FMNL2: variants seen among roughly 807,000 people sequenced by gnomAD.
The protein encoded by FMNL2 is formin like 2.
A neutral mutation model predicts 130.2 loss-of-function variants in FMNL2; 51 were observed. That is an observed-to-expected ratio of 0.39 (90% CI 0.31 to 0.49). The LOEUF is 0.49. FMNL2 is among the 20% of genes least tolerant of loss of function. FMNL2 has a pLI of 0.85. For missense variants in FMNL2, 977 were observed against 1,316.2 expected (o/e 0.74, Z 3.99); for synonymous variants, 465 against 467.1 (o/e 1.00, Z 0.06).
In FMNL2 at chr2:152,614,980, C is replaced by T; in HGVS notation, c.1192C>T (p.Leu398=). ...TGCTGCCTTGGAGAGGGTGGAAGAA[C>T]TGGAAGAAAACATTTCTCATGTAAC... ...KNAALERVEE[L]EENISHLSEK... is the part of the protein sequence containing the mutation. The change falls in exon 12 of 26, where the codon CTG becomes TTG. Residue 398 remains leucine, a synonymous_variant. Coordinates refer to ENST00000288670, the MANE Select transcript of FMNL2 (RefSeq NM_052905.4). The T allele has an allele frequency of 6.2e-7, 1 of 1,610,980 alleles. No individual in the cohort carries two copies. Among genetic ancestry groups the T allele is most frequent in the Non-Finnish European group, 8.5e-7 (1 of 1,179,184 alleles).
intron 1 of FMNL2, among the ~76,000 whole-genome samples, chr2:152,405,523 T>C (rs1685937039): frequency 6.6e-6 from 1 of 152,198 alleles, no homozygotes; most frequent in African/African-American, 2.4e-5. Context: ...AAAGCTCTTG[T>C]GATGTCTTGT....
intron 9 of FMNL2, among the ~76,000 whole-genome samples, chr2:152,596,813 C>G (rs554415522): frequency 6.6e-6 from 1 of 152,246 alleles, no homozygotes. Context: ...AGAATTATGT[C>G]AACAGCATTT....
chr2:152,419,203 G>A (rs1304753048), intron 1 of FMNL2, among the ~76,000 whole-genome samples: 1 of 151,938 alleles, frequency 6.6e-6, no homozygotes, highest in Non-Finnish European at 1.5e-5. Context: ...AATACTTAAG[G>A]GGGTACAAAG....
intron 1 of FMNL2, among the ~76,000 whole-genome samples, chr2:152,383,912 A>C (rs568478313): frequency 6.6e-6 from 1 of 152,198 alleles, no homozygotes; most frequent in East Asian, 1.9e-4. Context: ...CTGTATGTGC[A>C]TATTTTTCTA....
At chr2:152,339,091 A>C (rs1209641723) in intron 1 of FMNL2, among the ~76,000 whole-genome samples, 1 of 152,160 alleles carries the variant, frequency 6.6e-6, no homozygotes, top group Non-Finnish European at 1.5e-5. Context: ...ACCATTGTCT[A>C]ATTTTGGGGG....
chr2:152,338,738 G>C (rs1483564197), intron 1 of FMNL2, among the ~76,000 whole-genome samples: 1 of 150,798 alleles, frequency 6.6e-6, no homozygotes, highest in Non-Finnish European at 1.5e-5. Flanking sequence ...TACATTTAAG[G>C]GAAAAAATTA....
chr2:152,368,130 A>G (rs933909779), intron 1 of FMNL2, among the ~76,000 whole-genome samples: 2 of 152,170 alleles, frequency 1.3e-5, no homozygotes, highest in African/African-American at 4.8e-5. Context: ...TTCTCCTCAG[A>G]AGTGATGAGA....
At chr2:152,530,857 C>T (rs567452629) in intron 2 of FMNL2, among the ~76,000 whole-genome samples, 6 of 152,260 alleles carry the variant, frequency 3.9e-5, no homozygotes, top group African/African-American at 1.2e-4. Context: ...AGCAGAAATA[C>T]AAGGTAAGTT....
intron 1 of FMNL2, among the ~76,000 whole-genome samples, chr2:152,339,859 C>T (rs1681698137): frequency 6.6e-6 from 1 of 152,058 alleles, no homozygotes; most frequent in African/African-American, 2.4e-5. Flanking sequence ...GTAACTAATG[C>T]TATCAGCAAT....
chr2:152,587,814 T>C (rs1279954889), intron 9 of FMNL2, among the ~76,000 whole-genome samples: 1 of 152,200 alleles, frequency 6.6e-6, no homozygotes, highest in East Asian at 1.9e-4. Flanking sequence ...TATTGGAATA[T>C]GAAAATGAAT....
intron 1 of FMNL2, among the ~76,000 whole-genome samples, chr2:152,345,005 G>A (rs1682033551): frequency 6.6e-6 from 1 of 152,182 alleles, no homozygotes; most frequent in African/African-American, 2.4e-5. Context: ...TATAATGTAA[G>A]CAAATAGACA....
intron 1 of FMNL2, among the ~76,000 whole-genome samples, chr2:152,442,223 C>T (rs1308508367): frequency 1.3e-5 from 2 of 151,888 alleles, no homozygotes; most frequent in Non-Finnish European, 2.9e-5. Context: ...CTTCTCACTT[C>T]TGTCCTTTTT....
At chr2:152,586,199 T>C (rs992833212) in intron 9 of FMNL2, among the ~76,000 whole-genome samples, 3 of 152,194 alleles carry the variant, frequency 2.0e-5, no homozygotes, top group Admixed American at 6.5e-5. Flanking sequence ...CTCCCACTTT[T>C]GACCTTCCAG....
intron 1 of FMNL2, among the ~76,000 whole-genome samples, chr2:152,448,264 G>A (rs1470661035): frequency 6.6e-6 from 1 of 151,798 alleles, no homozygotes; most frequent in Non-Finnish European, 1.5e-5. Context: ...GCACTGCTGA[G>A]TGTTTAAGTA....
intron 2 of FMNL2, among the ~76,000 whole-genome samples, chr2:152,537,891 TAC>T (rs71394489): frequency 9.3e-5 from 14 of 150,532 alleles, no homozygotes; most frequent in African/African-American, 1.2e-4. Flanking sequence ...ACCTTACACA[TAC>T]ACACACACAC....
rs1235651240 is a variant in FMNL2 at position 152,647,852 on chromosome 2, C to T, written c.3226C>T (p.Arg1076Cys). The T allele has an allele frequency of 9.3e-6, 15 of 1,613,710 alleles. No individual in the cohort carries two copies. Among genetic ancestry groups the T allele is most frequent in the East Asian group, 2.2e-5 (1 of 44,894 alleles). ...ADAVRRSVRRRFDDQNLRSVN... is the reference protein window; with the variant it reads ...ADAVRRSVRRCFDDQNLRSVN... The stretch of plus-strand genomic sequence containing the variant: ...TGCGGTGAGGAGAAGCGTCAGGCGG[C>T]GCTTTGATGATCAGAACTTGCGTTC... The change falls in exon 26 of 26, where the codon CGC (arginine) becomes TGC (cysteine). Residue 1076 changes from arginine to cysteine, a missense_variant. Arg to Cys is a radical substitution (Grantham distance 180). Transcript: ENST00000288670.
intron 1 of FMNL2, among the ~76,000 whole-genome samples, chr2:152,430,467 C>A (rs911327340): frequency 6.6e-6 from 1 of 152,172 alleles, no homozygotes; most frequent in Non-Finnish European, 1.5e-5. Flanking sequence ...CTTCTGCATG[C>A]CTTAGAGCCC....
intron 9 of FMNL2, among the ~76,000 whole-genome samples, chr2:152,592,162 A>C (rs952847680): frequency 6.6e-6 from 1 of 152,240 alleles, no homozygotes; most frequent in African/African-American, 2.4e-5. Context: ...TGCCTTGAGA[A>C]AGGTAGGACT....
At chr2:152,505,640 C>G (rs1391345888) in intron 1 of FMNL2, among the ~76,000 whole-genome samples, 3 of 152,174 alleles carry the variant, frequency 2.0e-5, no homozygotes, top group Non-Finnish European at 4.4e-5. Context: ...TGTGCTGATT[C>G]ACTGTCTACC....
Sources: gnomAD v4.1 joint callset for allele counts (sites outside exome capture counted in the v4.1 genomes callset) on GRCh38, gnomAD v4.1.1 for gene constraint, MANE v1.5 for transcripts, NCBI Gene and HGNC (gene_info 2026-07-23, HGNC 2026-07-21) for gene names.